The following PCCA variants were observed in gnomAD, a reference collection of about 807,000 sequenced individuals.
PCCA encodes propionyl-CoA carboxylase alpha chain, mitochondrial.
A neutral mutation model predicts 101.3 loss-of-function variants in PCCA; 74 were observed. That is an observed-to-expected ratio of 0.73 (90% CI 0.61 to 0.89). The LOEUF is 0.89. Ranked by LOEUF, PCCA falls within the 40% of genes least tolerant of loss-of-function variation. The pLI is 0.00. For missense variants in PCCA, 891 were observed against 907.0 expected, an observed-to-expected ratio of 0.98 and a Z score of 0.23; for synonymous variants, 294 against 313.6, an observed-to-expected ratio of 0.94 and a Z score of 0.66.
At chr13:100,481,843 G>A (rs1274300926) in intron 21 of PCCA, among the ~76,000 whole-genome samples, 1 of 152,176 alleles carries the variant, frequency 6.6e-6, no homozygotes, top group East Asian at 1.9e-4. Flanking sequence ...ACCTTGGAAA[G>A]CTAAAACCTT....
intron 21 of PCCA, among the ~76,000 whole-genome samples, chr13:100,458,361 T>TACACACACACACAC (rs58649291): frequency 9.9e-6 from 1 of 101,376 alleles, no homozygotes; most frequent in Non-Finnish European, 1.9e-5. Flanking sequence ...ACCCCATCTC[T>TACACACACACACAC]ACACACACAC....
intron 8 of PCCA, among the ~76,000 whole-genome samples, chr13:100,250,793 T>A (rs897516928): frequency 1.2e-4 from 19 of 152,178 alleles, no homozygotes; most frequent in African/African-American, 4.3e-4. Flanking sequence ...TTGTTTAGGT[T>A]AAGGCCTTTT....
At chr13:100,115,438 AAC>A (rs2048714963) in intron 4 of PCCA, among the ~76,000 whole-genome samples, 1 of 152,312 alleles carries the variant, frequency 6.6e-6, no homozygotes, top group South Asian at 2.1e-4. Context: ...GGATGCTTGT[AAC>A]ACAAATAAAT....
intron 21 of PCCA, among the ~76,000 whole-genome samples, chr13:100,497,079 C>G (rs2085329635): frequency 6.6e-6 from 1 of 152,166 alleles, no homozygotes; most frequent in Admixed American, 6.5e-5. Flanking sequence ...TCTTTTGTCT[C>G]TTAATTCCAT....
At chr13:100,433,830 T>C (rs905522993) in intron 20 of PCCA, among the ~76,000 whole-genome samples, 4 of 152,234 alleles carry the variant, frequency 2.6e-5, no homozygotes, top group African/African-American at 9.6e-5. Context: ...GACACTCCTA[T>C]AACAAAAGAC....
chr13:100,260,979 A>G (rs1001990910), intron 9 of PCCA, among the ~76,000 whole-genome samples: 1 of 152,072 alleles, frequency 6.6e-6, no homozygotes, highest in African/African-American at 2.4e-5. Context: ...CAAAACAAGC[A>G]AATCAGATAG....
chr13:100,151,872 A>G (rs1429968554), intron 4 of PCCA, among the ~76,000 whole-genome samples: 1 of 152,204 alleles, frequency 6.6e-6, no homozygotes, highest in East Asian at 1.9e-4. Context: ...AAAGGAATTT[A>G]TATTTTTCAA....
At chr13:100,103,037 C>A in intron 2 of PCCA, 77 bp downstream of exon 2, 2 of 922,040 alleles carry the variant, frequency 2.2e-6, no homozygotes, top group Non-Finnish European at 3.5e-6. Context: ...ACACTGTGTT[C>A]AGTGGACAGA....
At chr13:100,404,959 C>T (rs1361770644) in intron 19 of PCCA, among the ~76,000 whole-genome samples, 1 of 152,130 alleles carries the variant, frequency 6.6e-6, no homozygotes, top group Non-Finnish European at 1.5e-5. Flanking sequence ...AGTTTTCTTT[C>T]TAGGGCTTTG....
intron 22 of PCCA, among the ~76,000 whole-genome samples, chr13:100,524,412 T>TGTGTGTGTGTGTGTGTGTGTGTGTGTG (rs59438858): frequency 6.7e-6 from 1 of 148,924 alleles, no homozygotes. Context: ...TGTGTGTGTG[T>TGTGTGTGTGTGTGTGTGTGTGTGTGTG]TGGGGTAGAA....
At chr13:100,147,053 A>C (rs140156723) in intron 4 of PCCA, among the ~76,000 whole-genome samples, 2,518 of 152,214 alleles carry the variant, frequency 0.017, 27 homozygotes, top group South Asian at 0.032. Context: ...TGTAGAATAA[A>C]ATGTAGTGTG....
intron 6 of PCCA, among the ~76,000 whole-genome samples, chr13:100,174,412 A>T (rs1047428054): frequency 6.8e-6 from 1 of 148,112 alleles, no homozygotes; most frequent in African/African-American, 2.5e-5. Flanking sequence ...TTGTTGTGGT[A>T]CTCTTTTATG....
At chr13:100,335,629 T>C (rs767216693) in intron 17 of PCCA, among the ~76,000 whole-genome samples, 10 of 152,172 alleles carry the variant, frequency 6.6e-5, no homozygotes, top group Non-Finnish European at 1.2e-4. Context: ...GTGTAAGCTT[T>C]CAGATTCTTC....
Position 100,161,868 on chromosome 13 carries a change from A to G in PCCA, c.468+4528A>G, listed in dbSNP as rs571632465. Among the ~76,000 whole-genome samples the G allele has an allele frequency of 2.0e-5, 3 of 152,282 alleles. No individual in the cohort carries two copies. The South Asian group carries it at 6.2e-4, about 32-fold the overall frequency. ...TCATTTTAATGACATAAATTTTCTTATTAACATTATTATATTTTCCATTTT... is the reference window on the plus strand; with the variant it reads ...TCATTTTAATGACATAAATTTTCTTGTTAACATTATTATATTTTCCATTTT... On this transcript the variant is annotated intron_variant, in intron 6 of 23. Transcript: ENST00000376285.
At chr13:100,463,162 G>T (rs2082280998) in intron 21 of PCCA, among the ~76,000 whole-genome samples, 1 of 152,092 alleles carries the variant, frequency 6.6e-6, no homozygotes, top group African/African-American at 2.4e-5. Context: ...GCTTATGAGG[G>T]TGATGGGCAG....
At chr13:100,458,620 G>T (rs2081968287) in intron 21 of PCCA, among the ~76,000 whole-genome samples, 2 of 152,122 alleles carry the variant, frequency 1.3e-5, no homozygotes, top group African/African-American at 4.8e-5. Flanking sequence ...GGGGAACAGA[G>T]TGAGACCCCA....
At chr13:100,482,875 G>A (rs568162271) in intron 21 of PCCA, among the ~76,000 whole-genome samples, 10 of 152,176 alleles carry the variant, frequency 6.6e-5, no homozygotes, top group South Asian at 4.1e-4. Flanking sequence ...AAGTTCAGTC[G>A]TGGGCACAAG....
intron 22 of PCCA, among the ~76,000 whole-genome samples, chr13:100,526,806 C>T (rs2087867250): frequency 6.6e-6 from 1 of 152,280 alleles, no homozygotes; most frequent in Admixed American, 6.5e-5. Context: ...GGAAGCCTCA[C>T]GCTTAACGCC....
chr13:100,300,138 C>A (rs2065944987), intron 12 of PCCA, among the ~76,000 whole-genome samples: 1 of 152,202 alleles, frequency 6.6e-6, no homozygotes, highest in South Asian at 2.1e-4. Context: ...TTGGTTCTTA[C>A]AAAATCATAA....
Sources: allele counts gnomAD v4.1 joint callset (sites outside exome capture counted in the v4.1 genomes callset), GRCh38; gene constraint gnomAD v4.1.1; transcripts MANE v1.5; gene names NCBI Gene and HGNC (gene_info 2026-07-23, HGNC 2026-07-21).